The following CDH12 variants were observed in gnomAD, a reference collection of about 807,000 sequenced individuals.
CDH12 encodes the protein cadherin 12, also known as cadherin-12.
CDH12 carries 41 observed loss-of-function variants against 74.1 expected under a neutral mutation model. That is an observed-to-expected ratio of 0.55 (90% CI 0.43 to 0.72). CDH12 has a LOEUF of 0.72. Ranked by LOEUF, CDH12 falls within the 30% of genes least tolerant of loss-of-function variation. The pLI, the probability that CDH12 is intolerant of heterozygous loss-of-function variation, is 0.00. For missense variants in CDH12, 945 were observed against 977.2 expected (o/e 0.97, Z 0.44); for synonymous variants, 399 against 355.0 (o/e 1.12, Z -1.39).
At chr5:22,447,985 T>TAAAAAAAA (rs10660558) in intron 2 of CDH12, among the ~76,000 whole-genome samples, 3 of 84,468 alleles carry the variant, frequency 3.6e-5, no homozygotes, top group African/African-American at 4.9e-5. Flanking sequence ...TACAAGAAAT[T>TAAAAAAAA]AAAAAAAAAA....
chr5:22,668,246 C>T (rs899806135), intron 1 of CDH12, among the ~76,000 whole-genome samples: 1 of 152,112 alleles, frequency 6.6e-6, no homozygotes, highest in Non-Finnish European at 1.5e-5. Flanking sequence ...ATTGAAGAAA[C>T]AATGTCCACT....
intron 1 of CDH12, among the ~76,000 whole-genome samples, chr5:22,775,875 TG>T (rs1747068651): frequency 6.6e-6 from 1 of 152,080 alleles, no homozygotes; most frequent in East Asian, 1.9e-4. Context: ...AATTGAATTT[TG>T]GGGGCCGGTC....
chr5:21,884,208 A>G, intron 6 of CDH12: 1 of 1,582,690 alleles, frequency 6.3e-7, no homozygotes, highest in Non-Finnish European at 8.7e-7. Context: ...CTCTCTGTTA[A>G]CTACAGCAGA....
chr5:22,021,677 A>G (rs1227978439), intron 5 of CDH12, among the ~76,000 whole-genome samples: 1 of 152,222 alleles, frequency 6.6e-6, no homozygotes, highest in African/African-American at 2.4e-5. Flanking sequence ...TAGGTTTTGC[A>G]TTAGATGATT....
At chr5:21,895,295 G>A (rs1445697563) in intron 6 of CDH12, among the ~76,000 whole-genome samples, 2 of 152,214 alleles carry the variant, frequency 1.3e-5, no homozygotes, top group South Asian at 2.1e-4. Flanking sequence ...GTTAACATAT[G>A]TGGTCTAAAC....
chr5:22,299,141 T>C (rs1363473155), intron 3 of CDH12, among the ~76,000 whole-genome samples: 1 of 152,036 alleles, frequency 6.6e-6, no homozygotes, highest in East Asian at 1.9e-4. Flanking sequence ...AAAGAGCATT[T>C]AGGAAAATAA....
intron 2 of CDH12, among the ~76,000 whole-genome samples, chr5:22,448,083 G>A (rs1017894679): frequency 6.7e-6 from 1 of 149,262 alleles, no homozygotes. Context: ...AGCCCAAGAG[G>A]CGAAGGTTGC....
chr5:22,406,050 A>G (rs1742926056), intron 2 of CDH12, among the ~76,000 whole-genome samples: 1 of 152,184 alleles, frequency 6.6e-6, no homozygotes. Flanking sequence ...GCATATATTC[A>G]GTCTATGATT....
At position 22,683,628 on chromosome 5, in the gene CDH12, G is replaced by A. The variant is rs62348861; in HGVS notation, c.-523+169430C>T. On this transcript the variant is annotated intron_variant, in intron 1 of 14. Coordinates refer to ENST00000382254, the MANE Select transcript of CDH12 (RefSeq NM_004061.5). ...TCTCAAACAAGTAAAAGCAAATTGA[G>A]CTAAGTGCCTAAAATAAATCAGCAT... is the stretch of plus-strand genomic sequence containing the variant. Among the ~76,000 whole-genome samples the A allele has an allele frequency of 8.2e-3, 1,251 of 152,260 alleles. 9 individuals are homozygous for A. Among genetic ancestry groups the A allele is most frequent in the Non-Finnish European group, 0.014 (947 of 67,996 alleles).
At chr5:22,372,448 C>T (rs1224982109) in intron 3 of CDH12, among the ~76,000 whole-genome samples, 2 of 152,018 alleles carry the variant, frequency 1.3e-5, no homozygotes, top group Non-Finnish European at 2.9e-5. Flanking sequence ...TCCCTTAATC[C>T]TCATGGGCCT....
Position 22,125,039 on chromosome 5 carries a change from G to T in CDH12, c.-186-46177C>A, listed in dbSNP as rs189927884. ...AGGTGCACCTGTCCTTGCTTCAAGG[G>T]GAGTGGGTTACTTTTTTTTAAGTTT... On this transcript the variant is annotated intron_variant, in intron 4 of 14. Transcript: ENST00000382254. Among the ~76,000 whole-genome samples, 238 of 152,240 alleles carry T rather than the reference G, an allele frequency of 1.6e-3. 2 individuals carry two copies. Among genetic ancestry groups the T allele is most frequent in the African/African-American group, 5.6e-3 (231 of 41,528 alleles).
intron 2 of CDH12, among the ~76,000 whole-genome samples, chr5:22,446,661 CAG>C (rs1391431053): frequency 2.0e-5 from 3 of 151,952 alleles, no homozygotes; most frequent in Non-Finnish European, 4.4e-5. Flanking sequence ...TAAGCAAAAA[CAG>C]AAAACAAATT....
intron 1 of CDH12, among the ~76,000 whole-genome samples, chr5:22,611,766 T>C (rs992458985): frequency 1.3e-5 from 2 of 152,100 alleles, no homozygotes; most frequent in African/African-American, 2.4e-5. Context: ...AGAATCTAAT[T>C]GGAAACTAGA....
chr5:21,976,072 T>C (rs543526612), intron 5 of CDH12, among the ~76,000 whole-genome samples: 57 of 152,272 alleles, frequency 3.7e-4, no homozygotes, highest in Non-Finnish European at 6.2e-4. Context: ...TTCAGTGATA[T>C]AGGGCAGAGC....
In CDH12 at chr5:22,698,247, A is replaced by C. The variant is rs375098591; in HGVS notation, c.-523+154811T>G. Among the ~76,000 whole-genome samples, 44 of 147,078 alleles carry C rather than the reference A, an allele frequency of 3.0e-4. No homozygotes were observed. In the East Asian group the frequency reaches 5.2e-3, roughly 17 times the overall value. On this transcript the variant is annotated intron_variant, in intron 1 of 14. Transcript: ENST00000382254. ...AGCAATTCTCCTGCCTCAGCCTCCCAAGTAGCTGGGATTACAGGCATGCAT... is the reference window on the plus strand; with the variant it reads ...AGCAATTCTCCTGCCTCAGCCTCCCCAGTAGCTGGGATTACAGGCATGCAT...
At chr5:22,464,535 T>C (rs1346667498) in intron 2 of CDH12, among the ~76,000 whole-genome samples, 2 of 152,134 alleles carry the variant, frequency 1.3e-5, no homozygotes, top group African/African-American at 4.8e-5. Flanking sequence ...GATTCTTCTG[T>C]TAAATGTTGG....
intron 1 of CDH12, among the ~76,000 whole-genome samples, chr5:22,836,213 CTT>C (rs1561065902): frequency 5.3e-5 from 2 of 37,956 alleles, no homozygotes; most frequent in Admixed American, 3.4e-4. Context: ...TTCTTTTTTT[CTT>C]TCTTTCTCTT....
intron 3 of CDH12, among the ~76,000 whole-genome samples, chr5:22,385,187 C>A (rs191216958): frequency 5.9e-5 from 9 of 152,002 alleles, no homozygotes; most frequent in Admixed American, 5.2e-4. Flanking sequence ...GGATCATTTC[C>A]CAGTAAGAAA....
intron 5 of CDH12, among the ~76,000 whole-genome samples, chr5:21,995,649 A>G (rs1289966979): frequency 6.6e-6 from 1 of 151,840 alleles, no homozygotes; most frequent in Non-Finnish European, 1.5e-5. Flanking sequence ...AGGCACATAC[A>G]GGAAGTATCA....
Sources: gnomAD v4.1 joint callset for allele counts (sites outside exome capture counted in the v4.1 genomes callset) on GRCh38, gnomAD v4.1.1 for gene constraint, MANE v1.5 for transcripts, NCBI Gene and HGNC (gene_info 2026-07-23, HGNC 2026-07-21) for gene names.